The following KCNC1 variants were observed in gnomAD, a reference collection of about 807,000 sequenced individuals.
KCNC1 encodes the protein voltage-gated potassium channel KCNC1.
Under a neutral mutation model 43.4 loss-of-function variants are expected in KCNC1, and 8 were observed. The observed-to-expected ratio is 0.18, with a 90% CI of 0.11 to 0.33. The LOEUF (loss-of-function observed/expected upper bound fraction) is 0.33, where lower values mean the gene tolerates loss of function less well. Among genes scored for constraint, KCNC1 ranks in the 10% least tolerant of loss-of-function variants. KCNC1 has a pLI of 1.00. For synonymous variants in KCNC1, 361 were observed against 360.5 expected (o/e 1.00, Z -0.01); for missense variants, 420 against 836.0 (o/e 0.50, Z 6.14).
At chr11:17,745,588 G>A (rs1848890090) in intron 1 of KCNC1, among the ~76,000 whole-genome samples, 1 of 152,078 alleles carries the variant, frequency 6.6e-6, no homozygotes, top group Admixed American at 6.5e-5. Flanking sequence ...CTCACGCTGG[G>A]GTCTGGGCTT....
chr11:17,740,766 C>T (rs1338580334), intron 1 of KCNC1, among the ~76,000 whole-genome samples: 2 of 152,154 alleles, frequency 1.3e-5, no homozygotes, highest in Non-Finnish European at 2.9e-5. Context: ...CAGCTGCCTG[C>T]CTCTCCTCTG....
chr11:17,755,645 G>A (rs541687535), intron 1 of KCNC1, among the ~76,000 whole-genome samples: 6 of 152,098 alleles, frequency 3.9e-5, no homozygotes, highest in South Asian at 4.2e-4. Context: ...GTCCTGGAAG[G>A]ATGGAGACAC....
At chr11:17,775,477 A>G in intron 2 of KCNC1, 1 of 985,418 alleles carries the variant, frequency 1.0e-6, no homozygotes, top group Non-Finnish European at 1.2e-6. Flanking sequence ...TCCAATTCTC[A>G]CCTGGTTGTA....
At chr11:17,748,933 T>TG (rs960733660) in intron 1 of KCNC1, among the ~76,000 whole-genome samples, 12 of 152,116 alleles carry the variant, frequency 7.9e-5, no homozygotes, top group African/African-American at 2.9e-4. Context: ...GAGCTGGGTG[T>TG]GGGGCTGGAG....
Position 17,776,134 on chromosome 11 carries a change from A to G in KCNC1, c.1505-3322A>G. The stretch of plus-strand genomic sequence containing the variant: ...CTGTGGGGGAAGTAGCGGAGAAATG[A>G]AGTGACGCCAGGGGCCAGGCATGGG... On this transcript the variant is annotated intron_variant, in intron 2 of 3. Coordinates refer to ENST00000265969, the MANE Select transcript of KCNC1 (RefSeq NM_001112741.2). The surrounding 1 kb of genome is among the most constrained non-coding windows in gnomAD (Gnocchi z 4.4). 1.0e-6 allele frequency: 1 copy of G among 985,366 alleles called. No homozygotes were observed. The highest frequency in any genetic ancestry group is 5.2e-4 in the Middle Eastern group (1 of 1,914). 61.0% of individuals were successfully genotyped at this position (985,366 alleles called of 1,614,324 possible).
intron 1 of KCNC1, among the ~76,000 whole-genome samples, chr11:17,759,912 G>T (rs1849059310): frequency 6.6e-6 from 1 of 152,142 alleles, no homozygotes; most frequent in Admixed American, 6.5e-5. Flanking sequence ...AGCACGGGTT[G>T]CCACAAACTT....
chr11:17,741,831 T>G (rs1848846085), intron 1 of KCNC1, among the ~76,000 whole-genome samples: 1 of 152,212 alleles, frequency 6.6e-6, no homozygotes, highest in Admixed American at 6.5e-5. Context: ...GCACATACCC[T>G]GCCTTCTGGA....
intron 1 of KCNC1, among the ~76,000 whole-genome samples, chr11:17,758,246 A>C (rs1430564004): frequency 6.6e-6 from 1 of 152,248 alleles, no homozygotes; most frequent in African/African-American, 2.4e-5. Flanking sequence ...AAGTTTGATC[A>C]TGAGATTGCA....
chr11:17,773,497 G>T lies in KCNC1; in HGVS notation c.1504+899G>T. ...CTCCCCGTTTCCAGCGGTAGGGACT[G>T]CAGCAGCAATATAGACATCCCAACC... On this transcript the variant is annotated intron_variant, in intron 2 of 3. Transcript: ENST00000265969. The surrounding 1 kb of genome is among the most constrained non-coding windows in gnomAD (Gnocchi z 4.1). 1.0e-6 allele frequency: 1 copy of T among 984,036 alleles called. No homozygotes were observed. The highest frequency in any genetic ancestry group is 1.2e-6 in the Non-Finnish European group (1 of 829,770). 61.0% of individuals were successfully genotyped at this position (984,036 alleles called of 1,614,324 possible). A position where few individuals can be genotyped will look rare whatever the true frequency, so the allele number is the denominator to read the frequency against.
Position 17,739,296 on chromosome 11 carries a change from T to C in KCNC1, c.570+2724T>C, listed in dbSNP as rs1233469967. The stretch of plus-strand genomic sequence containing the variant: ...GCTGTATGTGTGAGACAGAGGCTCT[T>C]TGTAAGAGAGATTGTGTGTGAGTGT... On this transcript the variant is annotated intron_variant, in intron 1 of 3. Coordinates refer to ENST00000265969, the MANE Select transcript of KCNC1 (RefSeq NM_001112741.2). The surrounding 1 kb of genome is among the most constrained non-coding windows in gnomAD (Gnocchi z 4.2). Among the ~76,000 whole-genome samples, 1 of 152,048 alleles carries C rather than the reference T, an allele frequency of 6.6e-6. No homozygotes were observed. The highest frequency in any genetic ancestry group is 1.5e-5 in the Non-Finnish European group (1 of 68,012).
intron 1 of KCNC1, among the ~76,000 whole-genome samples, chr11:17,738,515 C>A (rs1848797002): frequency 6.6e-6 from 1 of 152,130 alleles, no homozygotes; most frequent in Non-Finnish European, 1.5e-5. Context: ...GAGGCTGAGT[C>A]CCCCAGCCCC....
chr11:17,759,309 G>A (rs1162832464), intron 1 of KCNC1, among the ~76,000 whole-genome samples: 2 of 152,180 alleles, frequency 1.3e-5, no homozygotes, highest in Non-Finnish European at 2.9e-5. Flanking sequence ...TTGGCTTAAG[G>A]GAATGTTGTG....
Position 17,779,336 on chromosome 11 carries a change from T to G in KCNC1, c.1505-120T>G. The G allele has an allele frequency of 1.2e-6, 1 of 815,846 alleles. No homozygotes were observed. The allele number at this position is 815,846 out of a possible 1,614,324, so 50.5% of individuals were successfully genotyped here. A position where few individuals can be genotyped will look rare whatever the true frequency, so the allele number is the denominator to read the frequency against. On this transcript the variant is annotated intron_variant, in intron 2 of 3. Coordinates refer to ENST00000265969, the MANE Select transcript of KCNC1 (RefSeq NM_001112741.2). This position sits in a 1 kb window ranked among gnomAD's most constrained non-coding sequence, Gnocchi z 7.2. ...CTCCTCGCTCCACAGCCTGCCCGCT[T>G]TTCCGTCCTCAGGGACGCTCAAGCT...
In KCNC1 at chr11:17,776,598, G is replaced by A. The variant is rs1849290666; in HGVS notation, c.1505-2858G>A. ...GCCTGGAAACCATCTCTGAGACGCT[G>A]CCCATGCTGCCATTTCATCACTGCA... On this transcript the variant is annotated intron_variant, in intron 2 of 3. Coordinates refer to ENST00000265969, the MANE Select transcript of KCNC1 (RefSeq NM_001112741.2). The surrounding 1 kb of genome is among the most constrained non-coding windows in gnomAD (Gnocchi z 4.4). 1.0e-6 allele frequency: 1 copy of A among 985,336 alleles called. No homozygotes were observed. Among genetic ancestry groups the A allele is most frequent in the Non-Finnish European group, 1.2e-6 (1 of 829,928 alleles). 61.0% of individuals were successfully genotyped at this position (985,336 alleles called of 1,614,324 possible). A position where few individuals can be genotyped will look rare whatever the true frequency, so the allele number is the denominator to read the frequency against.
At chr11:17,756,981 A>G (rs1308536456) in intron 1 of KCNC1, among the ~76,000 whole-genome samples, 1 of 152,046 alleles carries the variant, frequency 6.6e-6, no homozygotes, top group Non-Finnish European at 1.5e-5. Context: ...GGATTTTTGC[A>G]CGTCTTAACC....
At position 17,781,431 on chromosome 11, in the gene KCNC1, G is replaced by A; in HGVS notation, c.1694-239G>A. On this transcript the variant is annotated intron_variant, in intron 3 of 3. Transcript: ENST00000265969. This position sits in a 1 kb window ranked among gnomAD's most constrained non-coding sequence, Gnocchi z 5.1. ...TAATTCTGAGCCAGAAGGCATGCAGGTGTGTGAGTCAATGTGCAGAGCAGA... is the reference window on the plus strand; with the variant it reads ...TAATTCTGAGCCAGAAGGCATGCAGATGTGTGAGTCAATGTGCAGAGCAGA... 2.0e-6 allele frequency: 1 copy of A among 491,888 alleles called. No individual in the cohort carries two copies. Among genetic ancestry groups the A allele is most frequent in the Non-Finnish European group, 3.6e-6 (1 of 279,686 alleles). 30.5% of individuals were successfully genotyped at this position (491,888 alleles called of 1,614,324 possible). A position where few individuals can be genotyped will look rare whatever the true frequency, so the allele number is the denominator to read the frequency against.
intron 1 of KCNC1, among the ~76,000 whole-genome samples, chr11:17,753,699 G>C (rs1317526418): frequency 6.6e-6 from 1 of 152,068 alleles, no homozygotes; most frequent in Non-Finnish European, 1.5e-5. Flanking sequence ...AGGCCCCGGC[G>C]TGGGGGGTGG....
chr11:17,750,806 T>C (rs1468918445), intron 1 of KCNC1, among the ~76,000 whole-genome samples: 1 of 152,178 alleles, frequency 6.6e-6, no homozygotes, highest in Non-Finnish European at 1.5e-5. Context: ...GCTCTTCCTT[T>C]AGGGAGCCTT....
chr11:17,736,502 G>A lies in KCNC1; in HGVS notation c.500G>A (p.Gly167Asp), dbSNP rs780758127. 3.1e-6 allele frequency: 5 copies of A among 1,591,608 alleles called. No individual in the cohort carries two copies. The highest frequency in any genetic ancestry group is 4.3e-6 in the Non-Finnish European group (5 of 1,174,910). Residue 167 changes from glycine (G) to aspartate (D), a missense_variant, in exon 1 of 4, where the codon GGC (glycine) becomes GAC (aspartate). Coordinates refer to ENST00000265969, the MANE Select transcript of KCNC1 (RefSeq NM_001112741.2). This position sits in a 1 kb window ranked among gnomAD's most constrained non-coding sequence, Gnocchi z 9.3. ...LSDSPDGRPG[G>D]FWRRWQPRIW... ...GACTCCCCGGATGGCCGGCCTGGCG[G>A]CTTTTGGCGCCGCTGGCAGCCGCGC...
Sources: allele counts gnomAD v4.1 joint callset (sites outside exome capture counted in the v4.1 genomes callset), GRCh38; gene constraint gnomAD v4.1.1; non-coding constraint Gnocchi (gnomAD v3.1); transcripts MANE v1.5; gene names NCBI Gene and HGNC (gene_info 2026-07-23, HGNC 2026-07-21).